SKIC3: variants seen among roughly 807,000 people sequenced by gnomAD.
SKIC3 encodes the protein superkiller complex protein 3.
chr5:95,477,647 T>C, the SKIC3 span, among the ~76,000 whole-genome samples: 1 of 152,228 alleles, frequency 6.6e-6, no homozygotes, highest in African/African-American at 2.4e-5. Context: ...ATTTCTTATA[T>C]ATGTTTCCAT....
At chr5:95,492,495 GGCGTAGTGGCGGGCGCCTGTAGTCCCA>G in the SKIC3 span, among the ~76,000 whole-genome samples, 1 of 147,242 alleles carries the variant, frequency 6.8e-6, no homozygotes, top group Non-Finnish European at 1.5e-5. Context: ...AAATTAGCCG[GGCGTAGTGGCGGGCGCCTGTAGTCCCA>G]GCTACTTGGG....
chr5:95,513,164 A>G, the SKIC3 span: 1 of 190,682 alleles, frequency 5.2e-6, no homozygotes, highest in South Asian at 1.0e-4. Context: ...TAAAGAATAA[A>G]AACAACTGAT....
At chr5:95,539,618 C>T in the SKIC3 span, among the ~76,000 whole-genome samples, 68 of 152,088 alleles carry the variant, frequency 4.5e-4, no homozygotes, top group African/African-American at 1.3e-3. Flanking sequence ...CTGAAGTGGG[C>T]GGGTCACTTG....
chr5:95,503,847 A>C, the SKIC3 span: 1 of 1,614,014 alleles, frequency 6.2e-7, no homozygotes, highest in Non-Finnish European at 8.5e-7. Context: ...CCCTTCATGA[A>C]TAAAGCCAAT....
At chr5:95,496,853 T>G in the SKIC3 span, among the ~76,000 whole-genome samples, 1 of 152,176 alleles carries the variant, frequency 6.6e-6, no homozygotes, top group African/African-American at 2.4e-5. Flanking sequence ...GTTTACCAAC[T>G]AGTGAAGTGA....
the SKIC3 span, among the ~76,000 whole-genome samples, chr5:95,531,602 T>C: frequency 6.6e-6 from 1 of 152,188 alleles, no homozygotes; most frequent in Non-Finnish European, 1.5e-5. Flanking sequence ...TCAGAATCAC[T>C]TGGAAGACTT....
the SKIC3 span, among the ~76,000 whole-genome samples, chr5:95,475,445 T>A: frequency 6.6e-6 from 1 of 152,128 alleles, no homozygotes; most frequent in Non-Finnish European, 1.5e-5. Context: ...TCTCTCTTGC[T>A]CCTGCTCTGA....
the SKIC3 span, among the ~76,000 whole-genome samples, chr5:95,468,764 G>A: frequency 6.6e-6 from 1 of 152,092 alleles, no homozygotes; most frequent in African/African-American, 2.4e-5. Context: ...TTTTATTTGG[G>A]CTAGGTTTTG....
chr5:95,529,971 G>T, the SKIC3 span: 1 of 1,243,310 alleles, frequency 8.0e-7, no homozygotes, highest in Non-Finnish European at 1.1e-6. Flanking sequence ...AGGTATGCAG[G>T]TACATTTTTT....
At chr5:95,492,114 C>A in the SKIC3 span, among the ~76,000 whole-genome samples, 1 of 152,150 alleles carries the variant, frequency 6.6e-6, no homozygotes, top group Non-Finnish European at 1.5e-5. Flanking sequence ...ATGCATACCT[C>A]CATATTATGA....
At chr5:95,530,640 T>C in the SKIC3 span, among the ~76,000 whole-genome samples, 1 of 152,176 alleles carries the variant, frequency 6.6e-6, no homozygotes, top group Non-Finnish European at 1.5e-5. Context: ...TCCAGCAGAC[T>C]CTTCCAGCAT....
the SKIC3 span, among the ~76,000 whole-genome samples, chr5:95,491,645 G>C: frequency 6.6e-6 from 1 of 152,124 alleles, no homozygotes; most frequent in Non-Finnish European, 1.5e-5. Flanking sequence ...CAACAGCAGT[G>C]AGTTGGAAGG....
At chr5:95,513,669 CTT>C in the SKIC3 span, 2 of 1,599,582 alleles carry the variant, frequency 1.3e-6, no homozygotes, top group African/African-American at 1.3e-5. Context: ...AAAACAGACT[CTT>C]AATGTGTTTA....
the SKIC3 span, chr5:95,524,490 G>C: frequency 8.5e-4 from 1,377 of 1,613,434 alleles, 20 homozygotes; most frequent in East Asian, 0.023. Context: ...AAGAGCCTTT[G>C]TTTTATCTTT....
At chr5:95,470,268 G>A in the SKIC3 span, among the ~76,000 whole-genome samples, 3 of 152,052 alleles carry the variant, frequency 2.0e-5, no homozygotes, top group Admixed American at 1.3e-4. Context: ...GTGAGCCACC[G>A]CGCCCGGCCA....
At chr5:95,498,476 T>C in the SKIC3 span, 1 of 1,614,204 alleles carries the variant, frequency 6.2e-7, no homozygotes, top group South Asian at 1.1e-5. Flanking sequence ...TCTTTGTGTT[T>C]GATGTGCTTC....
the SKIC3 span, chr5:95,482,705 A>C: frequency 5.9e-4 from 903 of 1,536,290 alleles, 9 homozygotes; most frequent in South Asian, 7.1e-3. Context: ...ATTATTCTCC[A>C]AGTTGGGAAA....
chr5:95,532,963 T>C, the SKIC3 span, among the ~76,000 whole-genome samples: 1 of 152,082 alleles, frequency 6.6e-6, no homozygotes, highest in African/African-American at 2.4e-5. Flanking sequence ...TAAACTTAGC[T>C]TGAGGGGGGA....
the SKIC3 span, among the ~76,000 whole-genome samples, chr5:95,511,686 TTTATTAGC>T: frequency 6.6e-6 from 1 of 152,230 alleles, no homozygotes; most frequent in South Asian, 2.1e-4. Context: ...TCCTTGCTTC[TTTATTAGC>T]ATTTTGTCAA....
Sources: allele counts gnomAD v4.1 joint callset (sites outside exome capture counted in the v4.1 genomes callset), GRCh38; gene constraint gnomAD v4.1.1; transcripts MANE v1.5; gene names NCBI Gene and HGNC (gene_info 2026-07-23, HGNC 2026-07-21).